The following TBC1D23 variants were observed in gnomAD, a reference collection of about 807,000 sequenced individuals.
TBC1D23 encodes HCV non-structural protein 4A-transactivated protein 1.
Under a neutral mutation model 91.4 loss-of-function variants are expected in TBC1D23, and 55 were observed. The observed-to-expected ratio is 0.60, with a 90% CI of 0.48 to 0.75. The LOEUF is 0.75. Among genes scored for constraint, TBC1D23 ranks in the 30% least tolerant of loss-of-function variants. The pLI is 0.00. For missense variants in TBC1D23, 725 were observed against 836.1 expected (o/e 0.87, Z 1.64); for synonymous variants, 289 against 281.0 (o/e 1.03, Z -0.28).
At chr3:100,321,095 T>C in intron 18 of TBC1D23, 124 bp downstream of exon 18, 1 of 698,368 alleles carries the variant, frequency 1.4e-6, no homozygotes, top group Non-Finnish European at 2.3e-6. Flanking sequence ...GCTGAACCAC[T>C]TTTAGTGTTT....
chr3:100,278,669 C>A (rs1158993866), intron 1 of TBC1D23, among the ~76,000 whole-genome samples: 2 of 152,198 alleles, frequency 1.3e-5, no homozygotes, highest in African/African-American at 4.8e-5. Flanking sequence ...CAGGCGTGAG[C>A]CACTGCGCCC....
At chr3:100,306,905 A>G (rs1012309115) in intron 13 of TBC1D23, among the ~76,000 whole-genome samples, 5 of 152,188 alleles carry the variant, frequency 3.3e-5, no homozygotes. Context: ...ACTCTTAAGC[A>G]AGCTGATTCC....
At chr3:100,297,893 C>A in intron 8 of TBC1D23, 30 bp from the exon 9 acceptor site, 3 of 1,465,308 alleles carry the variant, frequency 2.0e-6, no homozygotes, top group Admixed American at 2.2e-5. Flanking sequence ...TTTTTTTTTT[C>A]ATAATGTTTA....
In TBC1D23 at chr3:100,310,509, G is replaced by C; in HGVS notation, c.1520G>C (p.Ser507Thr). The C allele has an allele frequency of 6.2e-7, 1 of 1,613,560 alleles. No individual in the cohort carries two copies. The highest frequency in any genetic ancestry group is 8.5e-7 in the Non-Finnish European group (1 of 1,179,734). The change falls in exon 14 of 19, where the codon AGT becomes ACT. Residue 507 changes from serine to threonine, a missense_variant. Physicochemically the swap from Ser to Thr is moderately conservative, Grantham distance 58. Transcript: ENST00000394144. ...KSVNVREKVI[S>T]FIENTSTPVD... ...GTTAATGTCAGGGAAAAAGTTATCA[G>C]TTTTATAGAGAATACATCAACTCCT... is the stretch of plus-strand genomic sequence containing the variant.
intron 16 of TBC1D23, among the ~76,000 whole-genome samples, chr3:100,316,535 G>T (rs1377413499): frequency 6.6e-6 from 1 of 152,064 alleles, no homozygotes; most frequent in Non-Finnish European, 1.5e-5. Flanking sequence ...TTCAGCTAAG[G>T]AGAGAGGTTT....
Position 100,325,234 on chromosome 3 carries a change from C to T in TBC1D23, c.*1566C>T, listed in dbSNP as rs1008396113. 1 of 152,092 alleles carries T rather than the reference C, an allele frequency of 6.6e-6. No individual in the cohort carries two copies. The highest frequency in any genetic ancestry group is 2.4e-5 in the African/African-American group (1 of 41,406). The allele number at this position is 152,092 out of a possible 1,614,324, so 9.4% of individuals were successfully genotyped here. A position where few individuals can be genotyped will look rare whatever the true frequency, so the allele number is the denominator to read the frequency against. ...ATTGTAAATAAATTACTAGTTTGCC[C>T]AAAACTTTGTTCTTAAAGACACTGT... On this transcript the variant is annotated 3_prime_UTR_variant, in exon 19 of 19. Transcript: ENST00000394144.
At position 100,296,365 on chromosome 3, in the gene TBC1D23, T is replaced by A. The variant is rs191079947; in HGVS notation, c.876+90T>A. On this transcript the variant is annotated intron_variant, in intron 8 of 18. Coordinates refer to ENST00000394144, the MANE Select transcript of TBC1D23 (RefSeq NM_001199198.3). Reference sequence around the variant, plus strand: ...TATTCACTTTAGTTAAAATAGGTTGTCAATTTTTTCTGTTTCTTTATGTGT... The same window carrying A: ...TATTCACTTTAGTTAAAATAGGTTGACAATTTTTTCTGTTTCTTTATGTGT... 7.4e-4 allele frequency: 562 copies of A among 758,774 alleles called. 3 individuals are homozygous for A. Among genetic ancestry groups the A allele is most frequent in the Non-Finnish European group, 6.5e-4 (311 of 476,252 alleles). 47.0% of individuals were successfully genotyped at this position (758,774 alleles called of 1,614,324 possible).
Position 100,303,578 on chromosome 3 carries a change from C to T in TBC1D23, c.1264-1268C>T, listed in dbSNP as rs557493825. On this transcript the variant is annotated intron_variant, in intron 11 of 18. Transcript: ENST00000394144. ...TTGAGCCCAGGAGTTCAAGACCACC[C>T]TGGGCAACATAATGAGACCCTGTCT... is the stretch of plus-strand genomic sequence containing the variant. Among the ~76,000 whole-genome samples, 4 of 152,056 alleles carry T rather than the reference C, an allele frequency of 2.6e-5. No homozygotes were observed. The East Asian group carries it at 7.7e-4, about 29-fold the overall frequency.
At chr3:100,273,853 AC>A (rs2067623455) in intron 1 of TBC1D23, among the ~76,000 whole-genome samples, 1 of 152,256 alleles carries the variant, frequency 6.6e-6, no homozygotes, top group Non-Finnish European at 1.5e-5. Context: ...TACACTATAT[AC>A]AAAAATCAAC....
At position 100,296,187 on chromosome 3, in the gene TBC1D23, C is replaced by A; in HGVS notation, c.788C>A (p.Thr263Asn). 1 of 1,575,384 alleles carries A rather than the reference C, an allele frequency of 6.3e-7. No individual in the cohort carries two copies. Among genetic ancestry groups the A allele is most frequent in the Non-Finnish European group, 8.6e-7 (1 of 1,159,778 alleles). The change falls in exon 8 of 19, where the codon ACT (threonine) becomes AAT (asparagine). Residue 263 changes from threonine (T) to asparagine (N), a missense_variant. Coordinates refer to ENST00000394144, the MANE Select transcript of TBC1D23 (RefSeq NM_001199198.3). The part of the protein sequence containing the change: ...KEEVIKFLEN[T>N]PSSLNIEDIE... Reference sequence around the variant, plus strand: ...AATATTTCAGAGTTCTTGGAAAATACTCCATCCAGTCTGAATATAGAAGAT... The same window carrying A: ...AATATTTCAGAGTTCTTGGAAAATAATCCATCCAGTCTGAATATAGAAGAT...
intron 1 of TBC1D23, among the ~76,000 whole-genome samples, chr3:100,269,167 G>A (rs1231223858): frequency 6.6e-6 from 1 of 152,138 alleles, no homozygotes; most frequent in African/African-American, 2.4e-5. Flanking sequence ...ATACAATGAT[G>A]AAATACTGTA....
At chr3:100,261,389 G>T (rs2067509250) in intron 1 of TBC1D23, 2 of 407,346 alleles carry the variant, frequency 4.9e-6, no homozygotes, top group Admixed American at 4.4e-5. Flanking sequence ...CGGAGTCCTG[G>T]CTGTGGGAGT....
intron 10 of TBC1D23, among the ~76,000 whole-genome samples, chr3:100,301,129 G>A (rs1294710434): frequency 6.6e-6 from 1 of 152,058 alleles, no homozygotes; most frequent in African/African-American, 2.4e-5. Flanking sequence ...TTTTGATGAG[G>A]TGTGTGGATA....
intron 8 of TBC1D23, among the ~76,000 whole-genome samples, chr3:100,297,148 A>G (rs922777757): frequency 6.6e-6 from 1 of 152,196 alleles, no homozygotes; most frequent in African/African-American, 2.4e-5. Context: ...ACAGGTTTGT[A>G]TGTGACTTCA....
At chr3:100,298,152 G>A (rs899849455) in intron 9 of TBC1D23, 107 bp downstream of exon 9, 3 of 984,600 alleles carry the variant, frequency 3.0e-6, no homozygotes, top group African/African-American at 1.6e-5. Context: ...CTGCAACAAG[G>A]TGGCTCTTTT....
At chr3:100,267,184 A>G in intron 1 of TBC1D23, 1 of 438,252 alleles carries the variant, frequency 2.3e-6, no homozygotes, top group Non-Finnish European at 4.5e-6. Flanking sequence ...TAATAGGATT[A>G]AACAGTTTGA....
chr3:100,320,664 CAATTT>C, intron 17 of TBC1D23, 108 bp from the exon 18 acceptor site: 2 of 589,794 alleles, frequency 3.4e-6, no homozygotes, highest in African/African-American at 3.8e-5. Context: ...TCTTTTAACT[CAATTT>C]TATTTAGAGT....
intron 7 of TBC1D23, 99 bp from the exon 8 acceptor site, chr3:100,296,073 A>G: frequency 1.6e-6 from 1 of 619,078 alleles, no homozygotes; most frequent in Non-Finnish European, 2.8e-6. Flanking sequence ...TTGAGACTCC[A>G]TTTGCATAGT....
At chr3:100,295,041 G>A (rs2148861346) in intron 5 of TBC1D23, 46 bp from the exon 6 acceptor site, 2 of 1,514,784 alleles carry the variant, frequency 1.3e-6, no homozygotes, top group South Asian at 1.4e-5. Flanking sequence ...AAGAGAACAA[G>A]TCACCTCCAG....
Sources: allele counts gnomAD v4.1 joint callset (sites outside exome capture counted in the v4.1 genomes callset), GRCh38; gene constraint gnomAD v4.1.1; transcripts MANE v1.5; gene names NCBI Gene and HGNC (gene_info 2026-07-23, HGNC 2026-07-21).